ZNF608: variants seen among roughly 807,000 people sequenced by gnomAD.
The protein encoded by ZNF608 is zinc finger protein 608.
In ZNF608, 12 loss-of-function variants were observed where a neutral mutation model predicts 109.0. That is an observed-to-expected ratio of 0.11 (90% CI 0.07 to 0.18). The LOEUF is 0.18. Among genes scored for constraint, ZNF608 ranks in the 10% least tolerant of loss-of-function variants. The pLI, the probability that ZNF608 is intolerant of heterozygous loss-of-function variation, is 1.00. For synonymous variants in ZNF608, 732 were observed against 717.4 expected (o/e 1.02, Z -0.33); for missense variants, 1,707 against 1,879.3 (o/e 0.91, Z 1.70).
chr5:124,734,234 C>T (rs1268347339), intron 2 of ZNF608, among the ~76,000 whole-genome samples: 2 of 152,152 alleles, frequency 1.3e-5, no homozygotes, highest in Admixed American at 6.5e-5. Context: ...TTAAGAGTAG[C>T]ACCTTTTCAC....
At chr5:124,654,842 T>G (rs1313617934) in intron 3 of ZNF608, among the ~76,000 whole-genome samples, 1 of 152,210 alleles carries the variant, frequency 6.6e-6, no homozygotes, top group East Asian at 1.9e-4. Context: ...GTCTCCTTCA[T>G]CTGGGACCCT....
chr5:124,698,751 C>T (rs1752939832), intron 3 of ZNF608, among the ~76,000 whole-genome samples: 1 of 152,208 alleles, frequency 6.6e-6, no homozygotes, highest in Non-Finnish European at 1.5e-5. Flanking sequence ...TTATGTACTG[C>T]TATAGTTTTT....
chr5:124,734,513 G>C (rs112454097), intron 2 of ZNF608: 4,290 of 152,288 alleles, frequency 0.028, 79 homozygotes, highest in Middle Eastern at 0.078. Context: ...CCTAACACTG[G>C]CGTACGGAGG....
At chr5:124,700,065 C>T (rs1008810063) in intron 3 of ZNF608, among the ~76,000 whole-genome samples, 3 of 152,252 alleles carry the variant, frequency 2.0e-5, no homozygotes, top group Non-Finnish European at 2.9e-5. Context: ...TATCTTTGAC[C>T]GATCTAACTT....
chr5:124,719,676 C>A (rs2149877132), intron 2 of ZNF608, among the ~76,000 whole-genome samples: 1 of 152,244 alleles, frequency 6.6e-6, no homozygotes. Context: ...ATGTGGGGAT[C>A]AAAGATTCTT....
At chr5:124,663,612 T>C (rs1166883744) in intron 3 of ZNF608, among the ~76,000 whole-genome samples, 1 of 152,202 alleles carries the variant, frequency 6.6e-6, no homozygotes, top group Non-Finnish European at 1.5e-5. Flanking sequence ...ACAAAAGACT[T>C]TGACATTTAG....
intron 3 of ZNF608, among the ~76,000 whole-genome samples, chr5:124,676,716 T>A (rs1751960940): frequency 6.6e-6 from 1 of 152,150 alleles, no homozygotes; most frequent in East Asian, 1.9e-4. Flanking sequence ...GGATAAATAA[T>A]AATGGTATAT....
intron 4 of ZNF608, 78 bp downstream of exon 4, chr5:124,649,532 T>A: frequency 3.4e-6 from 4 of 1,176,416 alleles, no homozygotes; most frequent in Non-Finnish European, 4.9e-6. Flanking sequence ...CACACTTTTA[T>A]GTATTATGAA....
At chr5:124,665,946 A>AG (rs1751461305) in intron 3 of ZNF608, among the ~76,000 whole-genome samples, 1 of 152,276 alleles carries the variant, frequency 6.6e-6, no homozygotes. Context: ...CAGATGTAAT[A>AG]GATAAAGGCA....
intron 3 of ZNF608, among the ~76,000 whole-genome samples, chr5:124,667,256 TG>T (rs892684086): frequency 1.1e-4 from 16 of 152,194 alleles, no homozygotes; most frequent in Non-Finnish European, 1.9e-4. Flanking sequence ...GGAGGAATGG[TG>T]GGGGGCAAGA....
intron 3 of ZNF608, among the ~76,000 whole-genome samples, chr5:124,672,655 AT>A: frequency 6.6e-6 from 1 of 152,340 alleles, no homozygotes; most frequent in South Asian, 2.1e-4. Flanking sequence ...TCAGACACTC[AT>A]CTCATAGTAC....
intron 2 of ZNF608, among the ~76,000 whole-genome samples, chr5:124,725,071 C>T (rs1754083472): frequency 1.3e-5 from 2 of 152,046 alleles, no homozygotes; most frequent in Non-Finnish European, 2.9e-5. Flanking sequence ...CTCAAACACA[C>T]CAAATACACT....
chr5:124,727,017 C>T (rs1265237254), intron 2 of ZNF608, among the ~76,000 whole-genome samples: 2 of 152,230 alleles, frequency 1.3e-5, no homozygotes, highest in African/African-American at 4.8e-5. Context: ...TTGTACTTAA[C>T]ACAGGCCTCT....
At chr5:124,721,829 T>A (rs1402876727) in intron 2 of ZNF608, among the ~76,000 whole-genome samples, 2 of 148,152 alleles carry the variant, frequency 1.3e-5, no homozygotes, top group Admixed American at 6.8e-5. Context: ...TCCCAGCTAC[T>A]CGGAAGGAAG....
chr5:124,745,024 G>A lies in ZNF608; in HGVS notation c.-35C>T. 2 of 1,553,366 alleles carry A rather than the reference G, an allele frequency of 1.3e-6. No individual in the cohort carries two copies. Among genetic ancestry groups the A allele is most frequent in the African/African-American group, 1.4e-5 (1 of 72,916 alleles). On this transcript the variant is annotated 5_prime_UTR_variant, in exon 2 of 10. Coordinates refer to ENST00000513986, the MANE Select transcript of ZNF608 (RefSeq NM_020747.3). The stretch of plus-strand genomic sequence containing the variant: ...GAGCTCTCTAGAATAAAAATCCGAT[G>A]AACTTTTCTTTGGAGATGAGGGGAC...
chr5:124,686,354 G>A (rs553284107), intron 3 of ZNF608, among the ~76,000 whole-genome samples: 1 of 152,270 alleles, frequency 6.6e-6, no homozygotes, highest in South Asian at 2.1e-4. Context: ...CATGAAGATT[G>A]TCCTGGTTCC....
chr5:124,699,601 C>T (rs191317721), intron 3 of ZNF608, among the ~76,000 whole-genome samples: 1 of 152,292 alleles, frequency 6.6e-6, no homozygotes, highest in East Asian at 1.9e-4. Flanking sequence ...TTTATACTTA[C>T]CAGTGCTATC....
chr5:124,748,608 A>C, upstream of ZNF608: 1 of 980,622 alleles, frequency 1.0e-6, no homozygotes, highest in African/African-American at 1.7e-5. Flanking sequence ...TTTATTTTGG[A>C]AATTATAATC....
At chr5:124,720,707 C>T in intron 2 of ZNF608, among the ~76,000 whole-genome samples, 1 of 152,016 alleles carries the variant, frequency 6.6e-6, no homozygotes, top group East Asian at 1.9e-4. Context: ...TCAGAATGGG[C>T]CGCACTTCAT....
Sources: gnomAD v4.1 joint callset for allele counts (sites outside exome capture counted in the v4.1 genomes callset) on GRCh38, gnomAD v4.1.1 for gene constraint, MANE v1.5 for transcripts, NCBI Gene and HGNC (gene_info 2026-07-23, HGNC 2026-07-21) for gene names.